Variants in GALNT17 observed in about 807,000 individuals in gnomAD.
GALNT17 encodes the protein UDP-GalNAc:polypeptide N-acetylgalactosaminyltransferase-like 3.
A neutral mutation model predicts 63.7 loss-of-function variants in GALNT17; 29 were observed. The ratio of observed to expected loss-of-function variants is 0.46; its 90% CI spans 0.34 to 0.62. GALNT17 has a LOEUF of 0.62. Ranked by LOEUF, GALNT17 falls within the 20% of genes least tolerant of loss-of-function variation. The pLI, the probability that GALNT17 is intolerant of heterozygous loss-of-function variation, is 0.01. For synonymous variants in GALNT17, 305 were observed against 318.3 expected (o/e 0.96, Z 0.45); for missense variants, 603 against 799.6 (o/e 0.75, Z 2.97).
At chr7:71,262,907 G>C (rs960386391) in intron 1 of GALNT17, among the ~76,000 whole-genome samples, 1 of 151,574 alleles carries the variant, frequency 6.6e-6, no homozygotes, top group Non-Finnish European at 1.5e-5. Context: ...TCTCAAACTC[G>C]TAAGTTCAAG....
chr7:71,685,904 A>G (rs1282186278), intron 9 of GALNT17, among the ~76,000 whole-genome samples: 1 of 98,706 alleles, frequency 1.0e-5, no homozygotes, highest in African/African-American at 3.4e-5. Context: ...TATATAATTG[A>G]GGTTCTTGGG....
chr7:71,171,972 C>T (rs368205244), intron 1 of GALNT17, among the ~76,000 whole-genome samples: 1 of 152,162 alleles, frequency 6.6e-6, no homozygotes, highest in African/African-American at 2.4e-5. Context: ...ACCCCCAGCC[C>T]ACCTATCCAA....
At chr7:71,318,745 G>A in intron 1 of GALNT17, among the ~76,000 whole-genome samples, 1 of 152,158 alleles carries the variant, frequency 6.6e-6, no homozygotes. Context: ...GCTCTTTGGA[G>A]ATGGAAACTG....
At chr7:71,428,948 G>A (rs1347387706) in intron 5 of GALNT17, among the ~76,000 whole-genome samples, 2 of 152,194 alleles carry the variant, frequency 1.3e-5, no homozygotes, top group Non-Finnish European at 2.9e-5. Flanking sequence ...CGGCCACTAG[G>A]CTTGGGGTTA....
At chr7:71,472,064 G>T (rs879764993) in intron 5 of GALNT17, among the ~76,000 whole-genome samples, 12 of 152,022 alleles carry the variant, frequency 7.9e-5, no homozygotes, top group Non-Finnish European at 1.6e-4. Context: ...CAACATCAAG[G>T]TGCTGGCAGA....
At chr7:71,460,935 G>T (rs531733548) in intron 5 of GALNT17, among the ~76,000 whole-genome samples, 12 of 152,244 alleles carry the variant, frequency 7.9e-5, no homozygotes, top group Admixed American at 7.8e-4. Context: ...TTATCAGCAA[G>T]GTCTTTATGA....
At chr7:71,224,578 G>A (rs1029011305) in intron 1 of GALNT17, among the ~76,000 whole-genome samples, 1 of 152,166 alleles carries the variant, frequency 6.6e-6, no homozygotes, top group East Asian at 1.9e-4. Context: ...AAACCACGTG[G>A]TATATCCGTC....
intron 5 of GALNT17, among the ~76,000 whole-genome samples, chr7:71,424,778 T>C (rs1459741006): frequency 6.6e-6 from 1 of 152,210 alleles, no homozygotes; most frequent in Non-Finnish European, 1.5e-5. Flanking sequence ...TGGCAGTTTC[T>C]CTTTCTTGCT....
intron 6 of GALNT17, among the ~76,000 whole-genome samples, chr7:71,637,927 A>G (rs568918738): frequency 6.6e-6 from 1 of 152,292 alleles, no homozygotes; most frequent in South Asian, 2.1e-4. Flanking sequence ...AAAGGGTTAA[A>G]AGGATGGCTA....
rs369668179 is a variant in GALNT17 at position 71,693,309 on chromosome 7, C to CATATATATATATATATAT, written c.1500+16015_1500+16016insATATATATATATATATAT. 3.1e-4 allele frequency among the ~76,000 whole-genome samples: 38 copies of CATATATATATATATATAT among 124,194 alleles called. 1 individual carries two copies. The highest frequency in any genetic ancestry group is 1.5e-4 in the African/African-American group (5 of 34,134). 81.5% of individuals were successfully genotyped at this position (124,194 alleles called of 152,430 possible). ...ACACACACACACACACACACACACACATATATATATATGGAGACAAGACCA... is the reference window on the plus strand; with the variant it reads ...ACACACACACACACACACACACACACATATATATATATATATATATATATATATATGGAGACAAGACCA... On this transcript the variant is annotated intron_variant, in intron 9 of 10. Coordinates refer to ENST00000333538, the MANE Select transcript of GALNT17 (RefSeq NM_022479.3).
chr7:71,318,216 A>T (rs559134408), intron 1 of GALNT17, among the ~76,000 whole-genome samples: 1 of 152,236 alleles, frequency 6.6e-6, no homozygotes, highest in African/African-American at 2.4e-5. Context: ...TTGAGTTTTC[A>T]ATCAGGCAGT....
chr7:71,437,116 T>G (rs1376707670), intron 5 of GALNT17, among the ~76,000 whole-genome samples: 1 of 151,862 alleles, frequency 6.6e-6, no homozygotes, highest in African/African-American at 2.4e-5. Flanking sequence ...CTGACCCCCC[T>G]GAGTAGAGAG....
intron 1 of GALNT17, among the ~76,000 whole-genome samples, chr7:71,224,055 A>C (rs1789637432): frequency 6.6e-6 from 1 of 152,084 alleles, no homozygotes; most frequent in Admixed American, 6.6e-5. Context: ...GGTGTTCAAT[A>C]CATTTTTATT....
At chr7:71,238,359 A>T (rs1789934603) in intron 1 of GALNT17, among the ~76,000 whole-genome samples, 1 of 151,156 alleles carries the variant, frequency 6.6e-6, no homozygotes, top group South Asian at 2.1e-4. Context: ...TGCATTCGGA[A>T]TTTATTTATT....
At chr7:71,579,538 C>T (rs1562698736) in intron 6 of GALNT17, among the ~76,000 whole-genome samples, 2 of 152,178 alleles carry the variant, frequency 1.3e-5, no homozygotes, top group Non-Finnish European at 2.9e-5. Context: ...TGGGAGGAAC[C>T]TTCTTACGGA....
chr7:71,249,812 G>A (rs763106116), intron 1 of GALNT17, among the ~76,000 whole-genome samples: 2 of 152,192 alleles, frequency 1.3e-5, no homozygotes, highest in Non-Finnish European at 2.9e-5. Flanking sequence ...TACTCGCTTC[G>A]CGAAGCCATC....
chr7:71,151,536 G>A (rs1788132362), intron 1 of GALNT17, among the ~76,000 whole-genome samples: 1 of 151,724 alleles, frequency 6.6e-6, no homozygotes, highest in East Asian at 1.9e-4. Flanking sequence ...CAGGAGAATG[G>A]CGTGAACCCA....
At chr7:71,627,255 C>A (rs1790387937) in intron 6 of GALNT17, among the ~76,000 whole-genome samples, 1 of 152,120 alleles carries the variant, frequency 6.6e-6, no homozygotes, top group African/African-American at 2.4e-5. Context: ...AGGGGCATTT[C>A]CCAAACCGGT....
chr7:71,257,425 T>C (rs928450912), intron 1 of GALNT17, among the ~76,000 whole-genome samples: 1 of 152,110 alleles, frequency 6.6e-6, no homozygotes, highest in Non-Finnish European at 1.5e-5. Flanking sequence ...CAAAGATGAG[T>C]GTACTTTCCC....
Sources: gnomAD v4.1 joint callset for allele counts (sites outside exome capture counted in the v4.1 genomes callset) on GRCh38, gnomAD v4.1.1 for gene constraint, MANE v1.5 for transcripts, NCBI Gene and HGNC (gene_info 2026-07-23, HGNC 2026-07-21) for gene names.